PAK4: variants seen among roughly 807,000 people sequenced by gnomAD.
PAK4 encodes serine/threonine-protein kinase PAK 4.
A neutral mutation model predicts 53.5 loss-of-function variants in PAK4; 49 were observed. The ratio of observed to expected loss-of-function variants is 0.92; its 90% CI spans 0.73 to 1.16. The LOEUF is 1.16. Among genes scored for constraint, PAK4 ranks in the 50% most tolerant of loss-of-function variants. PAK4 has a pLI of 0.00. For synonymous variants in PAK4, 376 were observed against 375.6 expected (o/e 1.00, Z -0.01); for missense variants, 824 against 850.7 (o/e 0.97, Z 0.39).
chr19:39,163,750 T>C (rs1364196528), intron 1 of PAK4, among the ~76,000 whole-genome samples: 2 of 152,222 alleles, frequency 1.3e-5, no homozygotes, highest in African/African-American at 4.8e-5. Context: ...AGGCTGCACC[T>C]TCCTGCTGCT....
At chr19:39,132,682 G>A (rs2073736434) in intron 1 of PAK4, among the ~76,000 whole-genome samples, 2 of 152,348 alleles carry the variant, frequency 1.3e-5, no homozygotes, top group Non-Finnish European at 2.9e-5. Context: ...TTGTGGCCTC[G>A]TGGTCTGAGA....
intron 1 of PAK4, among the ~76,000 whole-genome samples, chr19:39,148,250 C>T (rs1257332119): frequency 1.5e-4 from 23 of 151,812 alleles, no homozygotes; most frequent in South Asian, 1.2e-3. Flanking sequence ...CCGTGCCTGG[C>T]GAGATCTTTA....
At chr19:39,174,748 C>T (rs115546791) in intron 4 of PAK4, among the ~76,000 whole-genome samples, 183 bp from the exon 6 acceptor site, 1,640 of 152,230 alleles carry the variant, frequency 0.011, 14 homozygotes, top group African/African-American at 0.033. Context: ...AGAAGGGAGG[C>T]GTGGGCTTCA....
chr19:39,165,515 A>AAAATAAATAAATAAATAAAT lies in PAK4; in HGVS notation c.-22-3997_-22-3978dup, dbSNP rs57100878. Among the ~76,000 whole-genome samples, 303 of 135,066 alleles carry AAAATAAATAAATAAATAAAT rather than the reference A, an allele frequency of 2.2e-3. 2 individuals carry two copies. Among genetic ancestry groups the AAAATAAATAAATAAATAAAT allele is most frequent in the East Asian group, 8.2e-3 (35 of 4,268 alleles). The allele number at this position is 135,066 out of a possible 152,430, so 88.6% of individuals were successfully genotyped here. ...GGGCGACAGAGCAAGACTCCCTCTC[A>AAAATAAATAAATAAATAAAT]AAATAAATAAATAAATAAATAAATA... On this transcript the variant is annotated intron_variant, in intron 1 of 8. Transcript: ENST00000358301.
intron 1 of PAK4, among the ~76,000 whole-genome samples, chr19:39,155,088 G>T (rs550423836): frequency 1.8e-4 from 27 of 152,308 alleles, no homozygotes; most frequent in Admixed American, 1.3e-3. Flanking sequence ...AGGTGCGTCT[G>T]TCTGCTGTGT....
chr19:39,174,276 C>T (rs2074557066), intron 4 of PAK4, among the ~76,000 whole-genome samples: 1 of 151,894 alleles, frequency 6.6e-6, no homozygotes, highest in Non-Finnish European at 1.5e-5. Context: ...GTCTTCCAGG[C>T]CCCTCGCACC....
chr19:39,178,756 CTT>C lies in PAK4; in HGVS notation c.*180_*181del, dbSNP rs1400577332. ...CTGAACTCCAGTTTTGATCTCGTGA[CTT>C]TTAGAAAAACACAGGGACTCGTGGG... On this transcript the variant is annotated 3_prime_UTR_variant, in exon 9 of 9. Coordinates refer to ENST00000358301, the Ensembl canonical transcript of PAK4. This position sits in a 1 kb window ranked among gnomAD's most constrained non-coding sequence, Gnocchi z 4.4. 16 of 549,196 alleles carry C rather than the reference CTT, an allele frequency of 2.9e-5. No individual in the cohort carries two copies. Among genetic ancestry groups the C allele is most frequent in the Non-Finnish European group, 4.4e-5 (14 of 318,066 alleles). The allele number at this position is 549,196 out of a possible 1,614,324, so 34.0% of individuals were successfully genotyped here.
intron 2 of PAK4, among the ~76,000 whole-genome samples, chr19:39,172,682 C>G (rs904070646): frequency 6.6e-6 from 1 of 152,172 alleles, no homozygotes. Flanking sequence ...AGGGTCCCAC[C>G]GAGCCCAGGG....
At chr19:39,126,996 G>A (rs1463890015) in intron 1 of PAK4, among the ~76,000 whole-genome samples, 1 of 152,164 alleles carries the variant, frequency 6.6e-6, no homozygotes, top group Non-Finnish European at 1.5e-5. Flanking sequence ...GGAAGCAGGG[G>A]GCTGGGCAGG....
chr19:39,166,833 C>T (rs987561231), intron 1 of PAK4, among the ~76,000 whole-genome samples: 3 of 152,220 alleles, frequency 2.0e-5, no homozygotes, highest in Non-Finnish European at 4.4e-5. Context: ...CTGGGGAAGC[C>T]GGCAGGGCTT....
chr19:39,173,843 G>T lies in PAK4; in HGVS notation c.931G>T (p.Val311Leu). 1 of 1,612,632 alleles carries T rather than the reference G, an allele frequency of 6.2e-7. No homozygotes were observed. The highest frequency in any genetic ancestry group is 8.5e-7 in the Non-Finnish European group (1 of 1,179,786). The change falls in exon 4 of 9, where the codon GTG becomes TTG. Residue 311 changes from valine (V) to leucine (L), a missense_variant. By Grantham distance (32) the Val-to-Leu change is conservative. This residue lies in a region of PAK4 where 346 missense variants were observed against 415.0 expected (regional missense o/e 0.83). Coordinates refer to ENST00000358301, the Ensembl canonical transcript of PAK4. This position sits in a 1 kb window ranked among gnomAD's most constrained non-coding sequence, Gnocchi z 6.9. ...GCAGTTCCGGGCTGCCCTGCAGCTGGTGGTGGACCCAGGCGACCCCCGCTC... is the reference window on the plus strand; with the variant it reads ...GCAGTTCCGGGCTGCCCTGCAGCTGTTGGTGGACCCAGGCGACCCCCGCTC...
chr19:39,147,866 G>GTTTTTTTTTTTTTTTTTTTTTTTTTT (rs2074027455), intron 1 of PAK4, among the ~76,000 whole-genome samples: 1 of 18,026 alleles, frequency 5.5e-5, no homozygotes, highest in African/African-American at 2.7e-4. Flanking sequence ...TTTTTTTTTT[G>GTTTTTTTTTTTTTTTTTTTTTTTTTT]CTGTTGAGTT....
chr19:39,163,183 G>A (rs1266932507), intron 1 of PAK4, among the ~76,000 whole-genome samples: 1 of 152,202 alleles, frequency 6.6e-6, no homozygotes, highest in Non-Finnish European at 1.5e-5. Flanking sequence ...TTGTGGCAGG[G>A]TGGTGAGTGG....
chr19:39,127,081 C>G (rs967736442), intron 1 of PAK4, among the ~76,000 whole-genome samples: 3 of 151,994 alleles, frequency 2.0e-5, no homozygotes, highest in Non-Finnish European at 4.4e-5. Flanking sequence ...AGGGAAGATT[C>G]CTGTGAGCCT....
intron 1 of PAK4, among the ~76,000 whole-genome samples, chr19:39,132,614 A>C (rs529323309): frequency 1.9e-4 from 29 of 152,254 alleles, no homozygotes; most frequent in Non-Finnish European, 7.3e-5. Flanking sequence ...CGTGCTGTGA[A>C]CAGGGCTGCG....
chr19:39,141,811 T>A (rs2073914732), intron 1 of PAK4, among the ~76,000 whole-genome samples: 1 of 151,922 alleles, frequency 6.6e-6, no homozygotes. Context: ...AAGTTTTGTA[T>A]TTTTTAGTAG....
intron 1 of PAK4, among the ~76,000 whole-genome samples, chr19:39,147,889 T>C (rs1047975028): frequency 7.4e-6 from 1 of 134,868 alleles, no homozygotes; most frequent in Non-Finnish European, 1.6e-5. Flanking sequence ...GAGTTTTCAC[T>C]GTTGTTCTTT....
rs570746515 is a variant in PAK4, at chr19:39,146,866, A to G, written c.-23+20947A>G. Among the ~76,000 whole-genome samples the G allele has an allele frequency of 6.0e-5, 9 of 149,022 alleles. No individual in the cohort carries two copies. The East Asian group carries it at 1.5e-3, about 24-fold the overall frequency. On this transcript the variant is annotated intron_variant, in intron 1 of 8. Transcript: ENST00000358301. ...AAGAAAGAGAGAAAGAGAGAGAGGGAGAAAGGGAGAGAGGGAGGGAGGGAG... is the reference window on the plus strand; with the variant it reads ...AAGAAAGAGAGAAAGAGAGAGAGGGGGAAAGGGAGAGAGGGAGGGAGGGAG...
intron 2 of PAK4, among the ~76,000 whole-genome samples, chr19:39,171,643 T>A (rs1296271277): frequency 1.3e-5 from 2 of 152,278 alleles, no homozygotes; most frequent in Non-Finnish European, 2.9e-5. Context: ...GTGGGATCAG[T>A]GTTTTCTACA....
Sources: gnomAD v4.1 joint callset for allele counts (sites outside exome capture counted in the v4.1 genomes callset) on GRCh38, gnomAD v4.1.1 for gene constraint, gnomAD v4.1.1 regional missense constraint, Gnocchi (gnomAD v3.1) non-coding constraint, MANE v1.5 for transcripts, NCBI Gene and HGNC (gene_info 2026-07-23, HGNC 2026-07-21) for gene names.